Variants in GPR89B observed in about 807,000 individuals in gnomAD.
GPR89B encodes the protein G protein-coupled receptor 89B.
GPR89B carries 25 observed loss-of-function variants against 52.4 expected under a neutral mutation model. That is an observed-to-expected ratio of 0.48 (90% CI 0.35 to 0.67). The LOEUF is 0.67. GPR89B is among the 30% of genes least tolerant of loss of function. The probability of loss-of-function intolerance (pLI) is 0.01; values close to 1 mark genes in which losing one functional copy is unlikely to be tolerated. For missense variants in GPR89B, 146 were observed against 450.2 expected, an observed-to-expected ratio of 0.32 and a Z score of 6.11; for synonymous variants, 52 against 151.2, an observed-to-expected ratio of 0.34 and a Z score of 4.81.
intron 7 of GPR89B, among the ~76,000 whole-genome samples, chr1:147,962,277 A>G (rs1419954042): frequency 6.6e-6 from 1 of 151,540 alleles, no homozygotes; most frequent in Non-Finnish European, 1.5e-5. Flanking sequence ...TACAAAAATT[A>G]GCTGGACATG....
the GPR89B span, among the ~76,000 whole-genome samples, chr1:148,005,989 C>T: frequency 2.0e-5 from 3 of 152,070 alleles, no homozygotes; most frequent in Admixed American, 1.3e-4. Flanking sequence ...AAGAAAAACT[C>T]GAAATCCAAT....
At chr1:148,012,405 G>A in the GPR89B span, among the ~76,000 whole-genome samples, 1 of 151,874 alleles carries the variant, frequency 6.6e-6, no homozygotes, top group South Asian at 2.1e-4. Flanking sequence ...GTTTGCTGAA[G>A]AAAATTCTGT....
the GPR89B span, among the ~76,000 whole-genome samples, chr1:148,019,170 T>G: frequency 6.7e-6 from 1 of 150,182 alleles, no homozygotes; most frequent in Non-Finnish European, 1.5e-5. Context: ...AGAGATGGGG[T>G]TTCACCATAT....
rs587694774 is a variant in GPR89B, at chr1:147,943,648, G to A, written c.313+104G>A. 1.7e-4 allele frequency: 121 copies of A among 702,118 alleles called. No homozygotes were observed. In the East Asian group the frequency reaches 2.1e-3, roughly 12 times the overall value. The allele number at this position is 702,118 out of a possible 1,614,324, so 43.5% of individuals were successfully genotyped here. The stretch of plus-strand genomic sequence containing the variant: ...TCTACATTAACTTTCAGTATCTACC[G>A]CTATTTGAGGATACCTCACACACAA... On this transcript the variant is annotated intron_variant, in intron 4 of 13. Coordinates refer to ENST00000314163, the MANE Select transcript of GPR89B (RefSeq NM_016334.5).
chr1:147,934,944 G>A (rs1309887522), intron 1 of GPR89B, among the ~76,000 whole-genome samples: 3 of 151,830 alleles, frequency 2.0e-5, no homozygotes, highest in Non-Finnish European at 2.9e-5. Flanking sequence ...CTTATGGAGA[G>A]CCTGCTACGT....
At chr1:147,984,978 A>C (rs1483711712) in intron 10 of GPR89B, among the ~76,000 whole-genome samples, 2 of 152,176 alleles carry the variant, frequency 1.3e-5, no homozygotes, top group Non-Finnish European at 2.9e-5. Context: ...TCTTGTTGGC[A>C]GGAGTGTTCC....
intron 8 of GPR89B, chr1:147,968,297 T>G (rs1657178988): frequency 2.2e-6 from 1 of 453,860 alleles, no homozygotes; most frequent in Non-Finnish European, 4.4e-6. Context: ...ATCAATTAAT[T>G]GTGTGACTTT....
intron 7 of GPR89B, among the ~76,000 whole-genome samples, chr1:147,954,775 A>T (rs1260475570): frequency 3.3e-5 from 5 of 152,220 alleles, no homozygotes; most frequent in South Asian, 4.1e-4. Context: ...AATTATTAGA[A>T]TTTTTTTGTT....
At chr1:147,949,775 G>A (rs1354499187) in intron 5 of GPR89B, among the ~76,000 whole-genome samples, 2 of 139,434 alleles carry the variant, frequency 1.4e-5, no homozygotes, top group Non-Finnish European at 3.1e-5. Flanking sequence ...ACCTCCCGGA[G>A]AGACGGCTGG....
chr1:147,949,218 C>G (rs1425923287), intron 5 of GPR89B, among the ~76,000 whole-genome samples: 1 of 152,138 alleles, frequency 6.6e-6, no homozygotes, highest in African/African-American at 2.4e-5. Context: ...CCTTTCCCCC[C>G]TTTCCATTCC....
At chr1:148,000,829 G>A in the GPR89B span, among the ~76,000 whole-genome samples, 2 of 148,108 alleles carry the variant, frequency 1.4e-5, no homozygotes, top group African/African-American at 5.0e-5. Context: ...ATGCAGTAGT[G>A]GGTGTTATGA....
the GPR89B span, among the ~76,000 whole-genome samples, chr1:148,004,193 T>G: frequency 1.3e-5 from 2 of 149,152 alleles, no homozygotes; most frequent in Admixed American, 1.3e-4. Context: ...GTGTCACTCT[T>G]TCGCCCAGGC....
intron 5 of GPR89B, among the ~76,000 whole-genome samples, chr1:147,949,144 T>G (rs1316443054): frequency 9.2e-5 from 14 of 152,098 alleles, no homozygotes; most frequent in African/African-American, 3.1e-4. Flanking sequence ...AAATGAAAAG[T>G]CTCCCGGGTC....
intron 12 of GPR89B, among the ~76,000 whole-genome samples, chr1:147,991,568 T>A (rs1659070803): frequency 6.6e-6 from 1 of 152,148 alleles, no homozygotes; most frequent in Non-Finnish European, 1.5e-5. Context: ...CCATTCAGTA[T>A]GATATTGGCT....
intron 5 of GPR89B, among the ~76,000 whole-genome samples, chr1:147,949,857 T>C (rs1263135654): frequency 2.6e-5 from 3 of 115,034 alleles, no homozygotes; most frequent in African/African-American, 3.7e-5. Context: ...GCTCCTCACT[T>C]CCCAGTAGGG....
chr1:148,008,782 G>A, the GPR89B span, among the ~76,000 whole-genome samples: 1 of 152,180 alleles, frequency 6.6e-6, no homozygotes, highest in Non-Finnish European at 1.5e-5. Flanking sequence ...GTGGGGCTGA[G>A]CTGCAGCTGA....
At chr1:148,002,874 T>C in the GPR89B span, among the ~76,000 whole-genome samples, 2 of 152,148 alleles carry the variant, frequency 1.3e-5, no homozygotes, top group African/African-American at 2.4e-5. Flanking sequence ...CTGTCTACTT[T>C]CCCAAATCTA....
At chr1:147,970,647 A>G (rs1657400196) in intron 10 of GPR89B, among the ~76,000 whole-genome samples, 1 of 151,060 alleles carries the variant, frequency 6.6e-6, no homozygotes. Context: ...AACTGTATAT[A>G]TAACTTCAAC....
chr1:148,021,504 G>C, the GPR89B span, among the ~76,000 whole-genome samples: 1 of 151,600 alleles, frequency 6.6e-6, no homozygotes, highest in Non-Finnish European at 1.5e-5. Flanking sequence ...TCCCCGAAAG[G>C]AGAGAAGCTG....
Sources: gnomAD v4.1 joint callset for allele counts (sites outside exome capture counted in the v4.1 genomes callset) on GRCh38, gnomAD v4.1.1 for gene constraint, MANE v1.5 for transcripts, NCBI Gene and HGNC (gene_info 2026-07-23, HGNC 2026-07-21) for gene names.